The following NRXN1 variants were observed in gnomAD, a reference collection of about 807,000 sequenced individuals.
NRXN1 encodes the protein neurexin 1.
In NRXN1, 39 loss-of-function variants were observed where a neutral mutation model predicts 150.9. The ratio of observed to expected loss-of-function variants is 0.26; its 90% CI spans 0.20 to 0.34. NRXN1 has a LOEUF of 0.34. Among genes scored for constraint, NRXN1 ranks in the 10% least tolerant of loss-of-function variants. NRXN1 has a pLI of 1.00. For missense variants in NRXN1, 1,815 were observed against 1,949.9 expected (o/e 0.93, Z 1.30); for synonymous variants, 924 against 757.0 (o/e 1.22, Z -3.62).
chr2:49,974,174 A>G, intron 21 of NRXN1: 1 of 710,806 alleles, frequency 1.4e-6, no homozygotes. Flanking sequence ...AGTGCCCTGC[A>G]CACAGATGGG....
At chr2:50,911,024 A>G (rs1684439056) in intron 5 of NRXN1, among the ~76,000 whole-genome samples, 1 of 152,002 alleles carries the variant, frequency 6.6e-6, no homozygotes, top group East Asian at 1.9e-4. Context: ...GAACAGATAC[A>G]TCAGTTAAAA....
chr2:50,126,462 A>C (rs2152742471), intron 18 of NRXN1, among the ~76,000 whole-genome samples: 1 of 152,134 alleles, frequency 6.6e-6, no homozygotes, highest in South Asian at 2.1e-4. Flanking sequence ...CTGCTAATAT[A>C]ACTGATATAG....
intron 18 of NRXN1, among the ~76,000 whole-genome samples, chr2:50,184,965 G>A (rs73932980): frequency 0.019 from 2,900 of 152,100 alleles, 95 homozygotes; most frequent in African/African-American, 0.067. Flanking sequence ...CCTCTTTAGC[G>A]CCACGTAGGT....
intron 12 of NRXN1, among the ~76,000 whole-genome samples, chr2:50,520,485 T>C (rs1038376174): frequency 5.3e-5 from 8 of 151,782 alleles, no homozygotes; most frequent in Non-Finnish European, 1.2e-4. Context: ...AAAAATTACC[T>C]CAATCTCACC....
chr2:50,292,923 C>T (rs1486091555), intron 17 of NRXN1, among the ~76,000 whole-genome samples: 2 of 152,078 alleles, frequency 1.3e-5, no homozygotes, highest in Admixed American at 1.3e-4. Context: ...AGTACATTGC[C>T]TGGAATAGAT....
intron 17 of NRXN1, among the ~76,000 whole-genome samples, chr2:50,370,092 T>C (rs951394076): frequency 4.6e-5 from 7 of 152,200 alleles, no homozygotes; most frequent in South Asian, 2.1e-4. Flanking sequence ...CTCTCTTCAG[T>C]TGTTTTCTCT....
In NRXN1 at chr2:50,553,202, AATAACC is replaced by A. The variant is rs1667776224; in HGVS notation, c.1321-183_1321-178del. On this transcript the variant is annotated intron_variant, in intron 8 of 22. Transcript: ENST00000401669. The stretch of plus-strand genomic sequence containing the variant: ...AAATTCAAGTGTCAATTCATAGAAC[AATAACC>A]ATAACAACTTAACTTGATTCAAATA... Among the ~76,000 whole-genome samples the A allele has an allele frequency of 2.6e-5, 4 of 152,262 alleles. No homozygotes were observed. In the South Asian group the frequency reaches 8.3e-4, roughly 31 times the overall value.
intron 5 of NRXN1, among the ~76,000 whole-genome samples, chr2:50,857,173 T>C (rs1384790135): frequency 2.6e-5 from 4 of 152,162 alleles, no homozygotes; most frequent in Non-Finnish European, 2.9e-5. Flanking sequence ...TTGATACATT[T>C]ACTTCGGGGT....
At chr2:50,520,166 G>A (rs1573374719) in intron 12 of NRXN1, among the ~76,000 whole-genome samples, 1 of 151,810 alleles carries the variant, frequency 6.6e-6, no homozygotes, top group East Asian at 1.9e-4. Context: ...GAAATCCTAG[G>A]CTACTTTTAT....
chr2:50,794,184 G>C (rs1706458526), intron 5 of NRXN1, among the ~76,000 whole-genome samples: 1 of 152,036 alleles, frequency 6.6e-6, no homozygotes, highest in African/African-American at 2.4e-5. Flanking sequence ...AGGTTTCTTT[G>C]TTACATCCGA....
intron 5 of NRXN1, among the ~76,000 whole-genome samples, chr2:50,862,075 G>A (rs554981465): frequency 1.3e-5 from 2 of 151,736 alleles, no homozygotes; most frequent in African/African-American, 2.4e-5. Flanking sequence ...GGTGGTGGGC[G>A]CCTGTATTCC....
chr2:50,059,681 G>T (rs1386018796), intron 19 of NRXN1, among the ~76,000 whole-genome samples: 1 of 152,098 alleles, frequency 6.6e-6, no homozygotes, highest in East Asian at 1.9e-4. Flanking sequence ...CTGAGCCCTG[G>T]GTCTTGCTGT....
intron 8 of NRXN1, chr2:50,588,727 A>G (rs917306402): frequency 6.6e-6 from 1 of 152,166 alleles, no homozygotes; most frequent in African/African-American, 2.4e-5. Flanking sequence ...TGCCGGTTAG[A>G]CTACCCACAG....
intron 13 of NRXN1, among the ~76,000 whole-genome samples, chr2:50,505,121 TATC>T (rs1413267387): frequency 6.6e-6 from 1 of 152,174 alleles, no homozygotes; most frequent in African/African-American, 2.4e-5. Flanking sequence ...TGCCTTATAA[TATC>T]ATGCATTGTC....
intron 15 of NRXN1, among the ~76,000 whole-genome samples, chr2:50,482,109 C>A (rs561245670): frequency 4.1e-4 from 62 of 152,188 alleles, no homozygotes; most frequent in Non-Finnish European, 6.8e-4. Context: ...AAAACTGCCC[C>A]CAAAAAGATT....
intron 17 of NRXN1, among the ~76,000 whole-genome samples, chr2:50,410,579 A>AAATG (rs951028215): frequency 2.4e-4 from 37 of 152,250 alleles, no homozygotes; most frequent in African/African-American, 6.0e-4. Context: ...GTAATCAGTA[A>AAATG]AATGAATGAA....
intron 18 of NRXN1, among the ~76,000 whole-genome samples, chr2:50,164,956 T>C (rs1402568713): frequency 6.6e-6 from 1 of 152,158 alleles, no homozygotes; most frequent in East Asian, 1.9e-4. Flanking sequence ...ATGATCCCTG[T>C]GGCTTGAGGC....
At chr2:50,051,531 T>TTATCAGTAAG (rs1692708676) in intron 21 of NRXN1, among the ~76,000 whole-genome samples, 1 of 152,138 alleles carries the variant, frequency 6.6e-6, no homozygotes, top group African/African-American at 2.4e-5. Context: ...AATAACTTGC[T>TTATCAGTAAG]TATCAGTAAG....
At chr2:50,620,297 T>A in intron 7 of NRXN1, 114 bp from the exon 8 acceptor site, 1 of 1,161,962 alleles carries the variant, frequency 8.6e-7, no homozygotes, top group South Asian at 1.7e-5. Context: ...TTTGTTTTGC[T>A]TTTTTCTTTT....
Sources: gnomAD v4.1 joint callset for allele counts (sites outside exome capture counted in the v4.1 genomes callset) on GRCh38, gnomAD v4.1.1 for gene constraint, MANE v1.5 for transcripts, NCBI Gene and HGNC (gene_info 2026-07-23, HGNC 2026-07-21) for gene names.